REDIC1: variants seen among roughly 807,000 people sequenced by gnomAD.
The protein encoded by REDIC1 is HEI10 Interacting Protein 1.
chr12:39,844,799 TAAAG>T, the REDIC1 span, among the ~76,000 whole-genome samples: 1 of 152,098 alleles, frequency 6.6e-6, no homozygotes, highest in Middle Eastern at 3.4e-3. Flanking sequence ...AAAATAAAGA[TAAAG>T]AAATACCTAA....
the REDIC1 span, among the ~76,000 whole-genome samples, chr12:39,885,299 G>A: frequency 4.6e-5 from 7 of 152,108 alleles, no homozygotes; most frequent in African/African-American, 1.4e-4. Context: ...TTCATCTCCC[G>A]ATGAAAAGAG....
chr12:39,825,208 A>G, the REDIC1 span, among the ~76,000 whole-genome samples: 1 of 152,212 alleles, frequency 6.6e-6, no homozygotes, highest in Non-Finnish European at 1.5e-5. Context: ...TAGCAATACT[A>G]TTTTAAATAG....
the REDIC1 span, among the ~76,000 whole-genome samples, chr12:39,714,508 C>T: frequency 2.6e-5 from 4 of 151,476 alleles, no homozygotes; most frequent in Non-Finnish European, 5.9e-5. Flanking sequence ...AATTATGCTG[C>T]TGTAAACGTG....
the REDIC1 span, among the ~76,000 whole-genome samples, chr12:39,852,169 T>A: frequency 6.6e-6 from 1 of 152,156 alleles, no homozygotes; most frequent in African/African-American, 2.4e-5. Context: ...GCATGGTAAA[T>A]AACAGCATCT....
the REDIC1 span, among the ~76,000 whole-genome samples, chr12:39,743,593 A>G: frequency 6.6e-6 from 1 of 152,196 alleles, no homozygotes; most frequent in African/African-American, 2.4e-5. Context: ...GTAATTGAAA[A>G]AGTAGACAAC....
the REDIC1 span, among the ~76,000 whole-genome samples, chr12:39,706,168 A>C: frequency 6.6e-6 from 1 of 152,054 alleles, no homozygotes; most frequent in African/African-American, 2.4e-5. Flanking sequence ...TTATATGCCA[A>C]CAGTGAACAG....
the REDIC1 span, among the ~76,000 whole-genome samples, chr12:39,640,649 G>A: frequency 6.6e-6 from 1 of 151,632 alleles, no homozygotes; most frequent in South Asian, 2.1e-4. Flanking sequence ...AATGTTTCAG[G>A]GATATATTCT....
At chr12:39,875,681 T>C in the REDIC1 span, among the ~76,000 whole-genome samples, 1 of 152,212 alleles carries the variant, frequency 6.6e-6, no homozygotes, top group Non-Finnish European at 1.5e-5. Context: ...CAGGCATAAC[T>C]ACATTCTCTT....
chr12:39,737,700 G>C, the REDIC1 span, among the ~76,000 whole-genome samples: 1 of 152,196 alleles, frequency 6.6e-6, no homozygotes, highest in African/African-American at 2.4e-5. Context: ...CCAAAAGTCT[G>C]TTTGACTTCA....
At chr12:39,714,191 GTATATATGTATATA>G in the REDIC1 span, among the ~76,000 whole-genome samples, 1 of 12,390 alleles carries the variant, frequency 8.1e-5, no homozygotes, top group African/African-American at 1.6e-4. Context: ...ATGCATATAT[GTATATATGTATATA>G]CATGCATATA....
chr12:39,699,027 G>A, the REDIC1 span, among the ~76,000 whole-genome samples: 3 of 151,882 alleles, frequency 2.0e-5, no homozygotes, highest in Non-Finnish European at 4.4e-5. Flanking sequence ...GAAGCAAACA[G>A]TACAAAGTAT....
chr12:39,863,836 G>A, the REDIC1 span, among the ~76,000 whole-genome samples: 1 of 152,136 alleles, frequency 6.6e-6, no homozygotes, highest in Non-Finnish European at 1.5e-5. Flanking sequence ...ATAAATTCAC[G>A]CTCAACTGGA....
chr12:39,841,959 G>A, the REDIC1 span, among the ~76,000 whole-genome samples: 19 of 152,100 alleles, frequency 1.2e-4, no homozygotes, highest in South Asian at 3.3e-3. Context: ...CATGCAAAGA[G>A]GCTATACTAA....
chr12:39,752,112 A>G, the REDIC1 span, among the ~76,000 whole-genome samples: 1 of 152,212 alleles, frequency 6.6e-6, no homozygotes. Flanking sequence ...CTAGAGAGGC[A>G]GTAGTGAATA....
chr12:39,657,614 G>A, the REDIC1 span, among the ~76,000 whole-genome samples: 1 of 152,130 alleles, frequency 6.6e-6, no homozygotes, highest in Non-Finnish European at 1.5e-5. Flanking sequence ...GGTAGTTTGT[G>A]TCTTACAAAG....
At chr12:39,726,576 G>C in the REDIC1 span, among the ~76,000 whole-genome samples, 4 of 152,138 alleles carry the variant, frequency 2.6e-5, no homozygotes, top group Non-Finnish European at 5.9e-5. Context: ...ATGGGCATTT[G>C]GGTTGGTTCC....
At chr12:39,870,675 G>A in the REDIC1 span, among the ~76,000 whole-genome samples, 1 of 151,994 alleles carries the variant, frequency 6.6e-6, no homozygotes, top group Non-Finnish European at 1.5e-5. Context: ...CCTGGCTGTT[G>A]GCAATCATGT....
chr12:39,854,389 A>G, the REDIC1 span, among the ~76,000 whole-genome samples: 1 of 152,220 alleles, frequency 6.6e-6, no homozygotes, highest in African/African-American at 2.4e-5. Context: ...CCTGCTTAGA[A>G]TTATGCCCCC....
chr12:39,669,062 CA>C, the REDIC1 span, among the ~76,000 whole-genome samples: 1 of 152,200 alleles, frequency 6.6e-6, no homozygotes, highest in Admixed American at 6.5e-5. Flanking sequence ...TCATCAAAGT[CA>C]TTCTCCATCC....
Sources: gnomAD v4.1 joint callset for allele counts (sites outside exome capture counted in the v4.1 genomes callset) on GRCh38, gnomAD v4.1.1 for gene constraint, MANE v1.5 for transcripts, NCBI Gene and HGNC (gene_info 2026-07-23, HGNC 2026-07-21) for gene names.